The following RBM5 variants were observed in gnomAD, a reference collection of about 807,000 sequenced individuals.
The protein encoded by RBM5 is RNA-binding protein 5.
In RBM5, 15 loss-of-function variants were observed where a neutral mutation model predicts 124.6. That is an observed-to-expected ratio of 0.12 (90% CI 0.08 to 0.19). RBM5 has a LOEUF of 0.19. Among genes scored for constraint, RBM5 ranks in the 10% least tolerant of loss-of-function variants. The pLI is 1.00. For missense variants in RBM5, 580 were observed against 1,026.5 expected, an observed-to-expected ratio of 0.57 and a Z score of 5.94; for synonymous variants, 337 against 361.2, an observed-to-expected ratio of 0.93 and a Z score of 0.76.
Position 50,114,119 on chromosome 3 carries a change from G to C in RBM5, c.1767+20G>C, listed in dbSNP as rs373229317. On this transcript the variant is annotated intron_variant, in intron 19 of 24. Transcript: ENST00000347869. ...AAGAAGGTAATAGCAGGAATGGCCA[G>C]TATGTCATGATGGGAACTTACCTAA... 64 of 1,614,044 alleles carry C rather than the reference G, an allele frequency of 4.0e-5. No homozygotes were observed. The African/African-American group carries it at 8.0e-4, about 20-fold the overall frequency.
intron 3 of RBM5, 134 bp from the exon 4 acceptor site, chr3:50,093,586 T>A: frequency 2.5e-4 from 214 of 869,068 alleles, no homozygotes; most frequent in East Asian, 3.8e-4. Context: ...AAAAAAAAAA[T>A]TGCAGTGAAC....
intron 22 of RBM5, chr3:50,116,865 G>T (rs935717222): frequency 1.4e-5 from 8 of 559,548 alleles, no homozygotes; most frequent in Non-Finnish European, 2.5e-5. Context: ...TCTGCCCCTG[G>T]TTCCACACAA....
intron 4 of RBM5, among the ~76,000 whole-genome samples, chr3:50,099,215 C>G (rs1413603355): frequency 6.6e-6 from 1 of 150,746 alleles, no homozygotes. Flanking sequence ...GAGATCACAC[C>G]AGTGCACTTC....
Sources: allele counts gnomAD v4.1 joint callset (sites outside exome capture counted in the v4.1 genomes callset), GRCh38; gene constraint gnomAD v4.1.1; transcripts MANE v1.5; gene names NCBI Gene and HGNC (gene_info 2026-07-23, HGNC 2026-07-21).